GPAT3: variants seen among roughly 807,000 people sequenced by gnomAD.
The protein encoded by GPAT3 is 1-AGP acyltransferase 9.
In GPAT3, 53 loss-of-function variants were observed where a neutral mutation model predicts 58.8. The ratio of observed to expected loss-of-function variants is 0.90; its 90% CI spans 0.72 to 1.13. The LOEUF (loss-of-function observed/expected upper bound fraction) is 1.13. Among genes scored for constraint, GPAT3 ranks in the 50% most tolerant of loss-of-function variants. The pLI, the probability that GPAT3 is intolerant of heterozygous loss-of-function variation, is 0.00. For synonymous variants in GPAT3, 197 were observed against 187.4 expected, an observed-to-expected ratio of 1.05 and a Z score of -0.42; for missense variants, 511 against 527.6, an observed-to-expected ratio of 0.97 and a Z score of 0.31.
At chr4:83,587,471 G>A in intron 4 of GPAT3, 142 bp downstream of exon 4, 1 of 777,374 alleles carries the variant, frequency 1.3e-6, no homozygotes, top group Non-Finnish European at 2.0e-6. Context: ...CTGTCACCTG[G>A]GCTGGAGTGC....
chr4:83,565,162 G>A (rs555378286), intron 2 of GPAT3, among the ~76,000 whole-genome samples: 29 of 151,884 alleles, frequency 1.9e-4, no homozygotes, highest in Admixed American at 4.6e-4. Context: ...GCACAGTGGC[G>A]CAATCTCAAC....
At chr4:83,565,495 AT>A (rs56262504) in intron 2 of GPAT3, among the ~76,000 whole-genome samples, 36,266 of 151,232 alleles carry the variant, frequency 0.24, 4,511 homozygotes, top group East Asian at 0.31. Context: ...TTAATTATTG[AT>A]TTTTTTTTGT....
At chr4:83,587,897 T>C (rs1726440028) in intron 4 of GPAT3, among the ~76,000 whole-genome samples, 1 of 152,216 alleles carries the variant, frequency 6.6e-6, no homozygotes, top group South Asian at 2.1e-4. Flanking sequence ...GTCTTATATA[T>C]TGGCAAGCTC....
intron 2 of GPAT3, among the ~76,000 whole-genome samples, chr4:83,562,211 T>TTA (rs1553944907): frequency 0.11 from 8,234 of 72,568 alleles, 499 homozygotes; most frequent in Non-Finnish European, 0.17. Context: ...TATATATATA[T>TTA]TATATATATA....
intron 2 of GPAT3, among the ~76,000 whole-genome samples, chr4:83,568,022 T>A (rs1468007785): frequency 6.6e-6 from 1 of 152,196 alleles, no homozygotes; most frequent in African/African-American, 2.4e-5. Flanking sequence ...ATGATTTTTA[T>A]GATTTTCTGT....
At chr4:83,586,474 G>A (rs1726379421) in intron 3 of GPAT3, among the ~76,000 whole-genome samples, 1 of 152,172 alleles carries the variant, frequency 6.6e-6, no homozygotes, top group East Asian at 1.9e-4. Flanking sequence ...CCTCTGGTTT[G>A]ATTTGAGAGA....
At chr4:83,563,336 A>G (rs1725249770) in intron 2 of GPAT3, among the ~76,000 whole-genome samples, 1 of 152,242 alleles carries the variant, frequency 6.6e-6, no homozygotes, top group African/African-American at 2.4e-5. Flanking sequence ...ATATGCTTTA[A>G]TAAATGTAGC....
At chr4:83,569,060 A>G (rs1409321453) in intron 2 of GPAT3, among the ~76,000 whole-genome samples, 6 of 152,178 alleles carry the variant, frequency 3.9e-5, no homozygotes, top group African/African-American at 1.4e-4. Flanking sequence ...CATCTTAAGT[A>G]TTTCTCCTAA....
At chr4:83,598,285 C>A (rs1726925267) in intron 10 of GPAT3, 106 bp downstream of exon 10, 2 of 1,414,570 alleles carry the variant, frequency 1.4e-6, no homozygotes, top group South Asian at 1.3e-5. Context: ...GCTTTCTCAG[C>A]AAATGGGTCA....
chr4:83,580,140 A>G (rs17355300), intron 2 of GPAT3, among the ~76,000 whole-genome samples: 28,020 of 152,198 alleles, frequency 0.18, 3,257 homozygotes, highest in East Asian at 0.32. Context: ...TTTGTATTTA[A>G]TAGTTAGAAT....
chr4:83,586,183 C>G (rs76997551), intron 3 of GPAT3, among the ~76,000 whole-genome samples: 3,341 of 152,270 alleles, frequency 0.022, 128 homozygotes, highest in African/African-American at 0.076. Flanking sequence ...GTTGCTTCAT[C>G]ATCATCTAAT....
intron 7 of GPAT3, among the ~76,000 whole-genome samples, chr4:83,595,682 C>T (rs1399376678): frequency 6.6e-6 from 1 of 151,860 alleles, no homozygotes; most frequent in African/African-American, 2.4e-5. Context: ...CTACTGCCCT[C>T]CAGCCTAGGC....
At chr4:83,570,542 G>A (rs1375871967) in intron 2 of GPAT3, among the ~76,000 whole-genome samples, 2 of 146,722 alleles carry the variant, frequency 1.4e-5, no homozygotes, top group African/African-American at 5.2e-5. Flanking sequence ...GCACGATCTC[G>A]GCTCACTGCA....
chr4:83,570,988 C>T (rs1334071415), intron 2 of GPAT3, among the ~76,000 whole-genome samples: 6 of 152,138 alleles, frequency 3.9e-5, no homozygotes, highest in African/African-American at 1.4e-4. Context: ...CTCTCAGTCC[C>T]AGTGGTACTC....
At chr4:83,597,968 T>C (rs575702850) in intron 9 of GPAT3, 83 bp from the exon 10 acceptor site, 743 of 1,520,414 alleles carry the variant, frequency 4.9e-4, no homozygotes, top group Non-Finnish European at 6.1e-4. Flanking sequence ...ATAAAGCTGT[T>C]TGGCCTACCA....
chr4:83,551,202 C>T (rs1724736455), intron 2 of GPAT3, among the ~76,000 whole-genome samples: 2 of 152,012 alleles, frequency 1.3e-5, no homozygotes, highest in African/African-American at 2.4e-5. Context: ...AATATGTAAG[C>T]TGATTTATTT....
At position 83,537,805 on chromosome 4, in the gene GPAT3, T is replaced by A. The variant is rs116478872; in HGVS notation, c.141+1042T>A. On this transcript the variant is annotated intron_variant, in intron 1 of 11. Coordinates refer to ENST00000264409, the MANE Select transcript of GPAT3 (RefSeq NM_032717.5). ...AGGCCCTGCAGCCTAGTGGTTAGGA[T>A]TAGGGACCCTGGATACAGGTTTGCT... Among the ~76,000 whole-genome samples, 608 of 152,054 alleles carry A rather than the reference T, an allele frequency of 4.0e-3. 4 individuals are homozygous for A. Among genetic ancestry groups the A allele is most frequent in the African/African-American group, 0.014 (566 of 41,474 alleles).
chr4:83,588,109 G>A (rs995621408), intron 4 of GPAT3, 101 bp from the exon 5 acceptor site: 27 of 919,748 alleles, frequency 2.9e-5, no homozygotes, highest in Non-Finnish European at 4.1e-5. Flanking sequence ...CACCAGAATA[G>A]AATGTGGTAT....
chr4:83,596,963 A>G, intron 8 of GPAT3, 50 bp downstream of exon 8: 1 of 1,527,028 alleles, frequency 6.5e-7, no homozygotes, highest in South Asian at 1.2e-5. Context: ...ACAAACCATC[A>G]AAAGTGTGTG....
Sources: allele counts gnomAD v4.1 joint callset (sites outside exome capture counted in the v4.1 genomes callset), GRCh38; gene constraint gnomAD v4.1.1; transcripts MANE v1.5; gene names NCBI Gene and HGNC (gene_info 2026-07-23, HGNC 2026-07-21).